The following MYH7B variants were observed in gnomAD, a reference collection of about 807,000 sequenced individuals.
MYH7B encodes myosin heavy chain 7B.
A neutral mutation model predicts 234.5 loss-of-function variants in MYH7B; 205 were observed. That is an observed-to-expected ratio of 0.87 (90% CI 0.78 to 0.98). The LOEUF is 0.98. Among genes scored for constraint, MYH7B ranks in the 50% least tolerant of loss-of-function variants. MYH7B has a pLI of 0.00. For missense variants in MYH7B, 2,652 were observed against 2,633.4 expected, an observed-to-expected ratio of 1.01 and a Z score of -0.15; for synonymous variants, 1,193 against 1,105.0, an observed-to-expected ratio of 1.08 and a Z score of -1.58.
In MYH7B at chr20:34,997,308, G is replaced by A. The variant is rs1011948321; in HGVS notation, c.3415G>A (p.Val1139Met). The A allele has an allele frequency of 2.8e-5, 43 of 1,553,138 alleles. No individual in the cohort carries two copies. Among genetic ancestry groups the A allele is most frequent in the African/African-American group, 2.7e-4 (20 of 73,484 alleles). ...GGCAGAGCGGGCAGCCCGGGCCCGC[G>A]TGGAGAAGCAGCGTGCAGAGGCGGC... The change falls in exon 32 of 45, where the codon GTG becomes ATG. Residue 1139 changes from valine (V) to methionine (M), a missense_variant. Val to Met is a conservative substitution (Grantham distance 21). This residue lies in a region of MYH7B where 2,279 missense variants were observed against 2,211.4 expected (regional missense o/e 1.03). Coordinates refer to ENST00000262873, the Ensembl canonical transcript of MYH7B.
chr20:34,998,512 G>A, exon 34 of MYH7B: 3 of 1,613,380 alleles, frequency 1.9e-6, no homozygotes, highest in African/African-American at 1.3e-5. Flanking sequence ...TGCCTGCAGG[G>A]GAGCTGAGTC....
At chr20:34,990,703 C>G (rs1214684821) in intron 22 of MYH7B, 35 bp from the exon 23 acceptor site, 4 of 1,605,244 alleles carry the variant, frequency 2.5e-6, no homozygotes, top group Admixed American at 3.3e-5. Flanking sequence ...TCTCTGCCCC[C>G]TTTGTGCCTT....
At chr20:34,996,515 T>G in exon 29 of MYH7B, 1 of 1,609,964 alleles carries the variant, frequency 6.2e-7, no homozygotes, top group Non-Finnish European at 8.5e-7. Context: ...GAGCAACAGG[T>G]GGAGGACGTG....
chr20:34,970,907 G>A (rs1169896156), intron 2 of MYH7B, among the ~76,000 whole-genome samples: 2 of 152,198 alleles, frequency 1.3e-5, no homozygotes, highest in African/African-American at 2.4e-5. Flanking sequence ...GACTGGCTGG[G>A]GGTGGGAGGG....
At chr20:34,977,796 TGTTTGAGG>T (rs2081879655) in intron 4 of MYH7B, 116 bp downstream of exon 4, 1 of 1,491,426 alleles carries the variant, frequency 6.7e-7, no homozygotes, top group African/African-American at 1.4e-5. Context: ...GAAGCCCTGG[TGTTTGAGG>T]GTGTGCATGT....
At chr20:34,981,301 C>T in intron 9 of MYH7B, 1 of 472,498 alleles carries the variant, frequency 2.1e-6, no homozygotes. Flanking sequence ...TGACCACCAG[C>T]CCCACACCTC....
At chr20:34,971,163 G>T (rs1353465771) in intron 2 of MYH7B, among the ~76,000 whole-genome samples, 1 of 152,180 alleles carries the variant, frequency 6.6e-6, no homozygotes, top group Non-Finnish European at 1.5e-5. Flanking sequence ...GTCATGGCTT[G>T]AATTCACTGT....
At chr20:35,002,130 G>C (rs764724065) in intron 44 of MYH7B, 45 bp downstream of exon 44, 1 of 1,607,642 alleles carries the variant, frequency 6.2e-7, no homozygotes, top group Admixed American at 1.7e-5. Context: ...GGGGACTGTG[G>C]GGGCTGACAG....
intron 38 of MYH7B, 103 bp from the exon 39 acceptor site, chr20:35,000,190 C>A: frequency 7.3e-7 from 1 of 1,361,174 alleles, no homozygotes; most frequent in Non-Finnish European, 9.9e-7. Flanking sequence ...GGAGGGGTGA[C>A]TCATTTGTTC....
At chr20:34,997,019 T>G (rs1432707835) in intron 30 of MYH7B, 64 bp from the exon 31 acceptor site, 6 of 1,507,932 alleles carry the variant, frequency 4.0e-6, no homozygotes, top group Admixed American at 2.0e-5. Context: ...GGGGGCGTTA[T>G]GGGGTCCCAG....
At chr20:34,993,551 C>T in intron 26 of MYH7B, 81 bp downstream of exon 26, 2 of 1,407,200 alleles carry the variant, frequency 1.4e-6, no homozygotes, top group Non-Finnish European at 1.9e-6. Context: ...CCAACCCTAA[C>T]ATGCTGCCCT....
intron 12 of MYH7B, 57 bp from the exon 13 acceptor site, chr20:34,985,009 C>G: frequency 6.2e-7 from 1 of 1,610,540 alleles, no homozygotes. Context: ...AGGTCGGGCA[C>G]AGGTGGGGAC....
At chr20:34,990,665 C>A in intron 22 of MYH7B, 73 bp from the exon 23 acceptor site, 1 of 1,437,256 alleles carries the variant, frequency 7.0e-7, no homozygotes, top group Non-Finnish European at 9.8e-7. Context: ...CCGTCTCGGT[C>A]CTGACCACTG....
At chr20:34,998,655 G>C (rs779311844) in intron 34 of MYH7B, 26 bp downstream of exon 34, 1 of 1,612,602 alleles carries the variant, frequency 6.2e-7, no homozygotes, top group East Asian at 2.2e-5. Flanking sequence ...TGACCATGGA[G>C]TGGGCAGGTG....
chr20:34,992,029 C>G (rs2082159718), intron 24 of MYH7B, among the ~76,000 whole-genome samples: 1 of 152,184 alleles, frequency 6.6e-6, no homozygotes, highest in Non-Finnish European at 1.5e-5. Flanking sequence ...CCCACACAGC[C>G]CTGTGCATGT....
exon 41 of MYH7B, chr20:35,001,056 G>A: frequency 1.9e-6 from 3 of 1,613,920 alleles, no homozygotes; most frequent in Non-Finnish European, 2.5e-6. Context: ...GGATGAAGAA[G>A]ACGCTGGAGC....
At chr20:34,992,867 G>A (rs2082180642) in intron 24 of MYH7B, among the ~76,000 whole-genome samples, 1 of 152,300 alleles carries the variant, frequency 6.6e-6, no homozygotes, top group African/African-American at 2.4e-5. Context: ...ACCGCACCCA[G>A]CCAACCCCCC....
chr20:34,972,675 G>A (rs561440445), intron 2 of MYH7B, among the ~76,000 whole-genome samples: 1 of 152,120 alleles, frequency 6.6e-6, no homozygotes, highest in African/African-American at 2.4e-5. Context: ...TGTTGCCCAC[G>A]CTGGAGTGCA....
At chr20:34,997,265 G>T in exon 32 of MYH7B, 4 of 1,558,924 alleles carry the variant, frequency 2.6e-6, no homozygotes, top group Non-Finnish European at 3.5e-6. Context: ...GGGCGGAGGA[G>T]CTGGAAGAGG....
Sources: gnomAD v4.1 joint callset for allele counts (sites outside exome capture counted in the v4.1 genomes callset) on GRCh38, gnomAD v4.1.1 for gene constraint, gnomAD v4.1.1 regional missense constraint, MANE v1.5 for transcripts, NCBI Gene and HGNC (gene_info 2026-07-23, HGNC 2026-07-21) for gene names.